The following CMKLR1 variants were observed in gnomAD, a reference collection of about 807,000 sequenced individuals.
CMKLR1 encodes chemerin chemokine-like receptor 1.
CMKLR1 carries 6 observed loss-of-function variants against 8.2 expected under a neutral mutation model. The ratio of observed to expected loss-of-function variants is 0.73; its 90% CI spans 0.40 to 1.44. The LOEUF is 1.44. Ranked by LOEUF, CMKLR1 falls within the 40% of genes most tolerant of loss-of-function variation. CMKLR1 has a pLI of 0.02. For missense variants in CMKLR1, 429 were observed against 478.0 expected (o/e 0.90, Z 0.96); for synonymous variants, 178 against 181.2 (o/e 0.98, Z 0.14).
intron 2 of CMKLR1, among the ~76,000 whole-genome samples, chr12:108,308,889 C>T (rs1891479042): frequency 6.6e-6 from 1 of 152,178 alleles, no homozygotes; most frequent in Non-Finnish European, 1.5e-5. Flanking sequence ...CAGCAGGGAA[C>T]AAACCAGACA....
At chr12:108,326,413 C>T (rs574945456) in intron 2 of CMKLR1, among the ~76,000 whole-genome samples, 1 of 152,346 alleles carries the variant, frequency 6.6e-6, no homozygotes, top group South Asian at 2.1e-4. Context: ...GTTGCAAACA[C>T]CTCAGTGTGA....
At chr12:108,316,407 G>A (rs796424226) in intron 2 of CMKLR1, among the ~76,000 whole-genome samples, 17 of 152,270 alleles carry the variant, frequency 1.1e-4, no homozygotes, top group African/African-American at 4.1e-4. Context: ...GGGGGAAGAG[G>A]GGCAGGGAGA....
rs1415301324 is a variant in CMKLR1 at position 108,313,791 on chromosome 12, C to A, written c.-74+16204G>T. ...GAGTTTGAAACCCCCACCAGTAGAA[C>A]TTCTAGAAAGACTTGTCAAGTCATT... On this transcript the variant is annotated intron_variant, in intron 2 of 3. Coordinates refer to ENST00000550402, the MANE Select transcript of CMKLR1 (RefSeq NM_001142343.2). Among the ~76,000 whole-genome samples, 3 of 152,210 alleles carry A rather than the reference C, an allele frequency of 2.0e-5. No homozygotes were observed. In the East Asian group the frequency reaches 5.8e-4, roughly 29 times the overall value.
At chr12:108,306,180 C>T (rs1044509368) in intron 2 of CMKLR1, among the ~76,000 whole-genome samples, 3 of 152,194 alleles carry the variant, frequency 2.0e-5, no homozygotes, top group Non-Finnish European at 4.4e-5. Flanking sequence ...GTGGAGCGTG[C>T]GGTTGGGTAC....
intron 2 of CMKLR1, among the ~76,000 whole-genome samples, chr12:108,318,996 G>A (rs956949404): frequency 2.0e-5 from 3 of 152,156 alleles, no homozygotes; most frequent in Non-Finnish European, 2.9e-5. Context: ...ACAACAGGGT[G>A]CCTGCCTCAC....
chr12:108,304,160 C>T (rs759018518), intron 2 of CMKLR1, among the ~76,000 whole-genome samples: 2 of 152,206 alleles, frequency 1.3e-5, no homozygotes, highest in Non-Finnish European at 2.9e-5. Flanking sequence ...TACCCTCCAG[C>T]TCCTTCCCTG....
At chr12:108,310,423 C>T (rs954661780) in intron 2 of CMKLR1, among the ~76,000 whole-genome samples, 11 of 152,232 alleles carry the variant, frequency 7.2e-5, no homozygotes, top group Middle Eastern at 3.4e-3. Flanking sequence ...TAGCAAGAGG[C>T]CTGGTGAACT....
chr12:108,310,713 T>C (rs567722827), intron 2 of CMKLR1, among the ~76,000 whole-genome samples: 58 of 152,220 alleles, frequency 3.8e-4, no homozygotes, highest in Non-Finnish European at 6.6e-4. Context: ...GCCCATACTG[T>C]CCAGTCCTGG....
rs948364324 is a variant in CMKLR1, at chr12:108,290,139, T to C, written c.*1702A>G. ...GCATTTTCTCTGCCATGTTGCATCA[T>C]TTTTGAAAACTATTTGCAAAGTTTC... On this transcript the variant is annotated 3_prime_UTR_variant, in exon 4 of 4. Transcript: ENST00000550402. 1 of 152,244 alleles carries C rather than the reference T, an allele frequency of 6.6e-6. No individual in the cohort carries two copies. The highest frequency in any genetic ancestry group is 1.5e-5 in the Non-Finnish European group (1 of 68,040). 9.4% of individuals were successfully genotyped at this position (152,244 alleles called of 1,614,324 possible). A position where few individuals can be genotyped will look rare whatever the true frequency, so the allele number is the denominator to read the frequency against.
intron 2 of CMKLR1, among the ~76,000 whole-genome samples, chr12:108,311,336 T>C (rs1245917106): frequency 2.0e-5 from 3 of 152,158 alleles, no homozygotes; most frequent in Non-Finnish European, 4.4e-5. Flanking sequence ...CTAGGGAGAC[T>C]GGGCACAGTG....
intron 2 of CMKLR1, among the ~76,000 whole-genome samples, chr12:108,296,467 A>G (rs571987228): frequency 6.6e-6 from 1 of 152,276 alleles, no homozygotes; most frequent in Admixed American, 6.5e-5. Context: ...GAGGCTAGGA[A>G]GCCAGAGGAC....
intron 2 of CMKLR1, among the ~76,000 whole-genome samples, chr12:108,328,941 C>T (rs189812964): frequency 1.5e-4 from 23 of 152,178 alleles, no homozygotes; most frequent in Admixed American, 5.2e-4. Flanking sequence ...TCTATGCCTA[C>T]GTCCATCAGC....
chr12:108,329,442 A>G (rs1466798219), intron 2 of CMKLR1, among the ~76,000 whole-genome samples: 1 of 152,200 alleles, frequency 6.6e-6, no homozygotes, highest in African/African-American at 2.4e-5. Flanking sequence ...CAGCTCGAAT[A>G]TATGCTTCCT....
intron 1 of CMKLR1, among the ~76,000 whole-genome samples, chr12:108,337,184 A>G (rs1410061066): frequency 6.6e-6 from 1 of 152,234 alleles, no homozygotes; most frequent in Non-Finnish European, 1.5e-5. Flanking sequence ...GAGGTCTAGC[A>G]TCAGAACTCT....
chr12:108,295,875 G>C (rs1259549675), intron 2 of CMKLR1, among the ~76,000 whole-genome samples: 1 of 152,160 alleles, frequency 6.6e-6, no homozygotes, highest in Non-Finnish European at 1.5e-5. Flanking sequence ...GAGCAGCTTG[G>C]GGTCAGAGGC....
intron 1 of CMKLR1, among the ~76,000 whole-genome samples, chr12:108,333,610 G>T (rs1355667251): frequency 7.2e-5 from 11 of 152,162 alleles, no homozygotes; most frequent in African/African-American, 2.7e-4. Context: ...ACCCTGACAG[G>T]CAGGTACTCA....
chr12:108,296,007 G>A (rs1311468787), intron 2 of CMKLR1, among the ~76,000 whole-genome samples: 1 of 152,098 alleles, frequency 6.6e-6, no homozygotes, highest in Non-Finnish European at 1.5e-5. Context: ...GAGTGGATTC[G>A]TGTCCCCTGT....
intron 2 of CMKLR1, among the ~76,000 whole-genome samples, chr12:108,304,987 C>T (rs1891370833): frequency 6.6e-6 from 1 of 152,226 alleles, no homozygotes; most frequent in African/African-American, 2.4e-5. Flanking sequence ...GCTCCTGTCC[C>T]CATCTTCTCC....
At chr12:108,295,874 G>C (rs1891120476) in intron 2 of CMKLR1, among the ~76,000 whole-genome samples, 1 of 152,180 alleles carries the variant, frequency 6.6e-6, no homozygotes, top group Non-Finnish European at 1.5e-5. Context: ...GGAGCAGCTT[G>C]GGGTCAGAGG....
Sources: allele counts gnomAD v4.1 joint callset (sites outside exome capture counted in the v4.1 genomes callset), GRCh38; gene constraint gnomAD v4.1.1; transcripts MANE v1.5; gene names NCBI Gene and HGNC (gene_info 2026-07-23, HGNC 2026-07-21).